The following SLC24A2 variants were observed in gnomAD, a reference collection of about 807,000 sequenced individuals.
The protein encoded by SLC24A2 is sodium/potassium/calcium exchanger 2.
In SLC24A2, 36 loss-of-function variants were observed where a neutral mutation model predicts 62.0. That is an observed-to-expected ratio of 0.58 (90% CI 0.44 to 0.77). The LOEUF (loss-of-function observed/expected upper bound fraction) is 0.77, where lower values mean the gene tolerates loss of function less well. Ranked by LOEUF, SLC24A2 falls within the 30% of genes least tolerant of loss-of-function variation. SLC24A2 has a pLI of 0.00. For missense variants in SLC24A2, 846 were observed against 817.9 expected (o/e 1.03, Z -0.42); for synonymous variants, 358 against 294.0 (o/e 1.22, Z -2.23).
chr9:20,062,336 C>T, the SLC24A2 span, among the ~76,000 whole-genome samples: 12 of 150,678 alleles, frequency 8.0e-5, no homozygotes, highest in East Asian at 1.6e-3. Context: ...GAAATAATGC[C>T]GCGTATCTAC....
At chr9:20,144,671 G>C in the SLC24A2 span, among the ~76,000 whole-genome samples, 1 of 152,054 alleles carries the variant, frequency 6.6e-6, no homozygotes, top group Non-Finnish European at 1.5e-5. Flanking sequence ...CACATTCCTG[G>C]TCCCATTTGT....
chr9:19,941,332 A>G, the SLC24A2 span, among the ~76,000 whole-genome samples: 1 of 152,150 alleles, frequency 6.6e-6, no homozygotes, highest in African/African-American at 2.4e-5. Context: ...ATTCATCAGC[A>G]TGTTTAGTGT....
the SLC24A2 span, among the ~76,000 whole-genome samples, chr9:19,938,058 C>G: frequency 6.6e-6 from 1 of 152,082 alleles, no homozygotes; most frequent in Non-Finnish European, 1.5e-5. Flanking sequence ...ATTAGTGAGT[C>G]TTTTCTATAC....
intron 2 of SLC24A2, among the ~76,000 whole-genome samples, chr9:19,769,755 C>G (rs1333886826): frequency 6.6e-6 from 1 of 152,138 alleles, no homozygotes; most frequent in Non-Finnish European, 1.5e-5. Flanking sequence ...AGCCATGAGT[C>G]CTGGTGGACA....
At chr9:19,955,369 A>G in the SLC24A2 span, among the ~76,000 whole-genome samples, 17 of 144,874 alleles carry the variant, frequency 1.2e-4, no homozygotes, top group South Asian at 4.3e-4. Flanking sequence ...ATGAGTAGAA[A>G]TTCTCAGGTT....
At chr9:19,648,880 T>A (rs997505261) in intron 2 of SLC24A2, among the ~76,000 whole-genome samples, 1 of 151,096 alleles carries the variant, frequency 6.6e-6, no homozygotes, top group Non-Finnish European at 1.5e-5. Context: ...AAAGCTAGAA[T>A]AGGGAAGGAA....
chr9:19,577,161 A>C, intron 5 of SLC24A2, 139 bp from the exon 6 acceptor site: 1 of 749,186 alleles, frequency 1.3e-6, no homozygotes, highest in Non-Finnish European at 2.4e-6. Flanking sequence ...ATGCACCAGG[A>C]CCTTCCTGAA....
intron 2 of SLC24A2, among the ~76,000 whole-genome samples, chr9:19,636,289 CTT>C (rs1231700861): frequency 2.4e-5 from 1 of 41,878 alleles, no homozygotes; most frequent in Non-Finnish European, 4.7e-5. Context: ...TTCTTCTCTT[CTT>C]TTCTTTTCTT....
rs1028962966 is a variant in SLC24A2 at position 19,622,361 on chromosome 9, T to C, written c.931-62A>G. 1.5e-5 allele frequency: 22 copies of C among 1,484,662 alleles called. No homozygotes were observed. The Admixed American group carries it at 2.2e-4, about 15-fold the overall frequency. 92.0% of individuals were successfully genotyped at this position (1,484,662 alleles called of 1,614,324 possible). On this transcript the variant is annotated intron_variant, in intron 2 of 10. Transcript: ENST00000341998. The stretch of plus-strand genomic sequence containing the variant: ...AAATAAATAAATGAAGAATCACATA[T>C]GGCATTTACATTTAATAACAAGCAT...
At chr9:19,747,968 G>C (rs780565902) in intron 2 of SLC24A2, among the ~76,000 whole-genome samples, 1 of 152,190 alleles carries the variant, frequency 6.6e-6, no homozygotes, top group African/African-American at 2.4e-5. Context: ...ATCATGGCAA[G>C]ATGCTCTATG....
chr9:19,515,790 T>G lies in SLC24A2; in HGVS notation c.*363A>C. On this transcript the variant is annotated 3_prime_UTR_variant, in exon 11 of 11. Coordinates refer to ENST00000341998, the MANE Select transcript of SLC24A2 (RefSeq NM_020344.4). Reference sequence around the variant, plus strand: ...AGGTATAGTACAGGAACAGGCAGGATTTGTGTGTTCATGTGCGTATATTTA... The same window carrying G: ...AGGTATAGTACAGGAACAGGCAGGAGTTGTGTGTTCATGTGCGTATATTTA... 3.2e-6 allele frequency: 1 copy of G among 313,332 alleles called. No homozygotes were observed. Among genetic ancestry groups the G allele is most frequent in the South Asian group, 3.0e-5 (1 of 33,720 alleles). 19.4% of individuals were successfully genotyped at this position (313,332 alleles called of 1,614,324 possible). A position where few individuals can be genotyped will look rare whatever the true frequency, so the allele number is the denominator to read the frequency against.
chr9:19,526,040 T>A (rs1833434296), intron 9 of SLC24A2, among the ~76,000 whole-genome samples: 1 of 152,198 alleles, frequency 6.6e-6, no homozygotes, highest in South Asian at 2.1e-4. Context: ...ACTATTAATA[T>A]TAACCTATTA....
At chr9:20,183,024 T>C in the SLC24A2 span, among the ~76,000 whole-genome samples, 1 of 152,182 alleles carries the variant, frequency 6.6e-6, no homozygotes, top group Non-Finnish European at 1.5e-5. Context: ...CAGGATTTTT[T>C]TTAACTCTCA....
chr9:19,957,169 T>C, the SLC24A2 span, among the ~76,000 whole-genome samples: 1 of 152,336 alleles, frequency 6.6e-6, no homozygotes, highest in African/African-American at 2.4e-5. Flanking sequence ...TGACTTTAAA[T>C]TAAAGCAGTA....
chr9:20,169,281 C>G, the SLC24A2 span, among the ~76,000 whole-genome samples: 22 of 151,898 alleles, frequency 1.4e-4, no homozygotes, highest in African/African-American at 4.8e-4. Context: ...TCATGACAGA[C>G]AGGAAAAAGT....
At chr9:19,850,964 T>TACATATATATATATATATAC in the SLC24A2 span, among the ~76,000 whole-genome samples, 1 of 25,228 alleles carries the variant, frequency 4.0e-5, no homozygotes, top group African/African-American at 1.2e-4. Flanking sequence ...TATATATATA[T>TACATATATATATATATATAC]ATGTATATAT....
chr9:19,922,812 G>A, the SLC24A2 span, among the ~76,000 whole-genome samples: 5 of 152,144 alleles, frequency 3.3e-5, no homozygotes, highest in Non-Finnish European at 7.3e-5. Flanking sequence ...GCTTGTACAT[G>A]TCTGAGTCTC....
the SLC24A2 span, among the ~76,000 whole-genome samples, chr9:19,839,020 G>C: frequency 3.3e-3 from 501 of 151,964 alleles, 1 homozygote; most frequent in African/African-American, 0.011. Flanking sequence ...CCAGAATCTA[G>C]AATGAACTCA....
the SLC24A2 span, among the ~76,000 whole-genome samples, chr9:19,969,220 C>CACACACAT: frequency 2.0e-5 from 3 of 150,352 alleles, no homozygotes; most frequent in Non-Finnish European, 3.0e-5. Context: ...CACACACACA[C>CACACACAT]ACACACTTCT....
Sources: allele counts gnomAD v4.1 joint callset (sites outside exome capture counted in the v4.1 genomes callset), GRCh38; gene constraint gnomAD v4.1.1; transcripts MANE v1.5; gene names NCBI Gene and HGNC (gene_info 2026-07-23, HGNC 2026-07-21).